Variants in ZFYVE9 observed in about 807,000 individuals in gnomAD.
ZFYVE9 encodes the protein zinc finger FYVE domain-containing protein 9.
Under a neutral mutation model 126.7 loss-of-function variants are expected in ZFYVE9, and 43 were observed. The ratio of observed to expected loss-of-function variants is 0.34; its 90% CI spans 0.27 to 0.44. The LOEUF (loss-of-function observed/expected upper bound fraction) is 0.44. ZFYVE9 is among the 20% of genes least tolerant of loss of function. The probability of loss-of-function intolerance (pLI) is 1.00; values close to 1 mark genes in which losing one functional copy is unlikely to be tolerated. For missense variants in ZFYVE9, 1,476 were observed against 1,697.0 expected (o/e 0.87, Z 2.29); for synonymous variants, 521 against 597.4 (o/e 0.87, Z 1.87).
intron 13 of ZFYVE9, among the ~76,000 whole-genome samples, chr1:52,314,073 C>A (rs770243630): frequency 7.2e-5 from 11 of 152,048 alleles, no homozygotes; most frequent in Non-Finnish European, 1.5e-4. Context: ...TAAAAAATTT[C>A]CAAATTTAAT....
chr1:52,339,350 C>T (rs960131604), intron 16 of ZFYVE9, among the ~76,000 whole-genome samples: 5 of 151,236 alleles, frequency 3.3e-5, no homozygotes, highest in Admixed American at 6.6e-5. Flanking sequence ...TACAGTGGTG[C>T]GATCGCAGCT....
intron 14 of ZFYVE9, among the ~76,000 whole-genome samples, chr1:52,333,126 C>T (rs1424886066): frequency 6.6e-6 from 1 of 151,938 alleles, no homozygotes; most frequent in Non-Finnish European, 1.5e-5. Flanking sequence ...ATTGAGGGAA[C>T]AATTTTGAAA....
At chr1:52,248,465 C>A (rs1356352269) in intron 4 of ZFYVE9, among the ~76,000 whole-genome samples, 1 of 152,176 alleles carries the variant, frequency 6.6e-6, no homozygotes, top group East Asian at 1.9e-4. Flanking sequence ...TCTCCCAGTC[C>A]ACTGACTCAA....
chr1:52,303,703 T>C (rs1646056118), intron 12 of ZFYVE9, 118 bp from the exon 13 acceptor site: 2 of 559,800 alleles, frequency 3.6e-6, no homozygotes, highest in Non-Finnish European at 5.8e-6. Context: ...CCTTATTATT[T>C]AAATAAATAG....
chr1:52,226,367 C>T (rs1017613882), intron 2 of ZFYVE9, among the ~76,000 whole-genome samples: 1 of 152,100 alleles, frequency 6.6e-6, no homozygotes, highest in Non-Finnish European at 1.5e-5. Context: ...GAAACCCCAT[C>T]TCTACTAAAA....
At chr1:52,207,945 G>A (rs1027097826) in intron 1 of ZFYVE9, among the ~76,000 whole-genome samples, 3 of 152,114 alleles carry the variant, frequency 2.0e-5, no homozygotes, top group Non-Finnish European at 2.9e-5. Flanking sequence ...AAAATATCCC[G>A]CAAAGTATAG....
chr1:52,225,114 A>G (rs891969931), intron 2 of ZFYVE9, among the ~76,000 whole-genome samples: 1 of 152,170 alleles, frequency 6.6e-6, no homozygotes, highest in South Asian at 2.1e-4. Flanking sequence ...CCCAACCACC[A>G]AGGAATACTT....
In ZFYVE9 at chr1:52,285,465, C is replaced by T. The variant is rs989885465; in HGVS notation, c.3025+3649C>T. ...ATTTACAGCTGCTCCCCATTGCTCA[C>T]GTTAGCGCCTGAGCTCTGCCTCCTC... On this transcript the variant is annotated intron_variant, in intron 10 of 18. Coordinates refer to ENST00000287727, the MANE Select transcript of ZFYVE9 (RefSeq NM_004799.4). 2.6e-5 allele frequency among the ~76,000 whole-genome samples: 4 copies of T among 152,130 alleles called. No homozygotes were observed. In the East Asian group the frequency reaches 5.8e-4, roughly 22 times the overall value.
chr1:52,229,517 T>G (rs2124616299), intron 2 of ZFYVE9, among the ~76,000 whole-genome samples: 1 of 152,342 alleles, frequency 6.6e-6, no homozygotes, highest in South Asian at 2.1e-4. Context: ...TTAGCATCCA[T>G]TTTTGATGCT....
At chr1:52,174,080 T>G (rs1204402695) in intron 1 of ZFYVE9, among the ~76,000 whole-genome samples, 1 of 152,118 alleles carries the variant, frequency 6.6e-6, no homozygotes, top group Non-Finnish European at 1.5e-5. Context: ...TTTCTAGTTC[T>G]TTTAATTGTG....
At chr1:52,257,734 TG>T (rs1245007720) in intron 4 of ZFYVE9, among the ~76,000 whole-genome samples, 1 of 152,252 alleles carries the variant, frequency 6.6e-6, no homozygotes, top group South Asian at 2.1e-4. Context: ...TATGTATTTA[TG>T]TATTTATTTA....
chr1:52,279,157 G>T (rs980466933), intron 9 of ZFYVE9, among the ~76,000 whole-genome samples: 1 of 152,168 alleles, frequency 6.6e-6, no homozygotes. Context: ...GGGTGAGGTA[G>T]GTGAATTCTC....
chr1:52,171,113 T>C (rs1225565942), intron 1 of ZFYVE9, among the ~76,000 whole-genome samples: 1 of 152,060 alleles, frequency 6.6e-6, no homozygotes, highest in Non-Finnish European at 1.5e-5. Context: ...AACTCGTCAT[T>C]TAGCATTAGG....
chr1:52,320,227 C>T (rs544738119), intron 13 of ZFYVE9, among the ~76,000 whole-genome samples: 11 of 151,906 alleles, frequency 7.2e-5, no homozygotes, highest in South Asian at 6.2e-4. Flanking sequence ...CATGCCACCA[C>T]GCCCAGCTAA....
intron 8 of ZFYVE9, among the ~76,000 whole-genome samples, chr1:52,275,732 C>A (rs1183046899): frequency 6.6e-6 from 1 of 152,004 alleles, no homozygotes; most frequent in Non-Finnish European, 1.5e-5. Flanking sequence ...TGAACTTTGT[C>A]CTAGGCTTTT....
chr1:52,162,354 C>CGCA (rs1169967909), intron 1 of ZFYVE9: 3 of 377,060 alleles, frequency 8.0e-6, no homozygotes, highest in Non-Finnish European at 1.6e-5. Context: ...CCTCCACTGC[C>CGCA]GCCTTTGCCA....
chr1:52,326,334 T>A (rs777227113), intron 13 of ZFYVE9, among the ~76,000 whole-genome samples: 7 of 152,218 alleles, frequency 4.6e-5, no homozygotes, highest in Non-Finnish European at 1.0e-4. Context: ...AAGATGAGCA[T>A]ACAAATTTTA....
At chr1:52,253,519 C>T (rs1645472691) in intron 4 of ZFYVE9, 2 of 660,752 alleles carry the variant, frequency 3.0e-6, no homozygotes, top group Admixed American at 2.5e-5. Context: ...ACGTGGGTCG[C>T]TGGGGAACCC....
intron 1 of ZFYVE9, among the ~76,000 whole-genome samples, chr1:52,152,374 C>G (rs1266465450): frequency 6.6e-6 from 1 of 152,122 alleles, no homozygotes; most frequent in Non-Finnish European, 1.5e-5. Flanking sequence ...TGTAGGTCAA[C>G]TTTTACCTGT....
Sources: allele counts gnomAD v4.1 joint callset (sites outside exome capture counted in the v4.1 genomes callset), GRCh38; gene constraint gnomAD v4.1.1; transcripts MANE v1.5; gene names NCBI Gene and HGNC (gene_info 2026-07-23, HGNC 2026-07-21).